The following FGF3 variants were observed in gnomAD, a reference collection of about 807,000 sequenced individuals.
FGF3 encodes the protein FGF-3.
In FGF3, 7 loss-of-function variants were observed where a neutral mutation model predicts 9.8. That is an observed-to-expected ratio of 0.72 (90% CI 0.41 to 1.35). The LOEUF is 1.35. FGF3 is among the 40% of genes most tolerant of loss of function. FGF3 has a pLI of 0.01. For missense variants in FGF3, 390 were observed against 345.6 expected, an observed-to-expected ratio of 1.13 and a Z score of -1.02; for synonymous variants, 173 against 157.2, an observed-to-expected ratio of 1.10 and a Z score of -0.75.
chr11:69,810,391 G>A lies in FGF3; in HGVS notation c.634C>T (p.Arg212Trp), dbSNP rs1554980306. The part of the protein sequence containing the change: ...PGKGVQPRRR[R>W]QKQSPDNLEP... ...AGGTTATCCGGGCTCTGCTTCTGCC[G>A]CCGCCGTCGGGGCTGGACCCCCTTA... is the stretch of plus-strand genomic sequence containing the variant. The change falls in exon 3 of 3, where the codon CGG becomes TGG. Residue 212 changes from arginine (R) to tryptophan (W), a missense_variant. Transcript: ENST00000334134. 2.6e-6 allele frequency: 4 copies of A among 1,557,064 alleles called. No individual in the cohort carries two copies. The South Asian group carries it at 3.5e-5, about 14-fold the overall frequency.
intron 2 of FGF3, among the ~76,000 whole-genome samples, chr11:69,812,767 C>T (rs782188081): frequency 8.5e-5 from 13 of 152,284 alleles, no homozygotes; most frequent in Non-Finnish European, 1.9e-4. Context: ...GATCCTGCAG[C>T]AGGTGAGTCC....
Position 69,813,768 on chromosome 11 carries a change from GTGGATGGA to G in FGF3, c.324+2544_324+2551del, listed in dbSNP as rs138438115. Among the ~76,000 whole-genome samples, 14 of 68,116 alleles carry G rather than the reference GTGGATGGA, an allele frequency of 2.1e-4. No homozygotes were observed. The South Asian group carries it at 4.9e-3, about 24-fold the overall frequency. The allele number at this position is 68,116 out of a possible 152,430, so 44.7% of individuals were successfully genotyped here. ...GCTGGATGGATGGATGGGTGGATGG[GTGGATGGA>G]TGGATGGATGGATGGATGGATGGAT... On this transcript the variant is annotated intron_variant, in intron 2 of 2. Coordinates refer to ENST00000334134, the MANE Select transcript of FGF3 (RefSeq NM_005247.4).
intron 2 of FGF3, 21 bp from the exon 3 acceptor site, chr11:69,810,721 G>C: frequency 6.4e-7 from 1 of 1,557,862 alleles, no homozygotes; most frequent in Non-Finnish European, 8.7e-7. Flanking sequence ...GAGATATCAT[G>C]GTCAGTGCCC....
chr11:69,814,947 C>T (rs1554980926), intron 2 of FGF3, among the ~76,000 whole-genome samples: 2 of 152,204 alleles, frequency 1.3e-5, no homozygotes, highest in African/African-American at 2.4e-5. Flanking sequence ...CCATGAGGGC[C>T]CCTGCTCCCA....
chr11:69,817,260 C>T (rs533068076), intron 1 of FGF3, among the ~76,000 whole-genome samples: 1 of 152,212 alleles, frequency 6.6e-6, no homozygotes, highest in Non-Finnish European at 1.5e-5. Flanking sequence ...GCATGCCTCT[C>T]AGGAGCGCCC....
At position 69,810,366 on chromosome 11, in the gene FGF3, A is replaced by T; in HGVS notation, c.659T>A (p.Leu220Gln). ...CGAAGCCTGAACGTGAGAGGGCTCC[A>T]GGTTATCCGGGCTCTGCTTCTGCCG... ...RRRQKQSPDN[L>Q]EPSHVQASRL... Residue 220 changes from leucine (L) to glutamine (Q), a missense_variant, in exon 3 of 3, where the codon CTG (leucine) becomes CAG (glutamine). By Grantham distance (113) the Leu-to-Gln change is moderately radical (BLOSUM62 -2). Transcript: ENST00000334134. 1 of 1,566,006 alleles carries T rather than the reference A, an allele frequency of 6.4e-7. No homozygotes were observed. Among genetic ancestry groups the T allele is most frequent in the East Asian group, 2.3e-5 (1 of 43,210 alleles).
chr11:69,818,589 C>A, intron 1 of FGF3, 125 bp downstream of exon 1: 1 of 635,560 alleles, frequency 1.6e-6, no homozygotes, highest in Non-Finnish European at 2.4e-6. Context: ...GCGCACCATG[C>A]CTTCTCCCGG....
rs1004218838 is a variant in FGF3, at chr11:69,815,961, A to G, written c.324+359T>C. Among the ~76,000 whole-genome samples, 7 of 152,150 alleles carry G rather than the reference A, an allele frequency of 4.6e-5. No individual in the cohort carries two copies. The South Asian group carries it at 1.4e-3, about 32-fold the overall frequency. The stretch of plus-strand genomic sequence containing the variant: ...TCTGGCTGCCCCAAGGAACACTCCC[A>G]GGTTGTCTTGGGTCCATTTATTTTG... On this transcript the variant is annotated intron_variant, in intron 2 of 2. Transcript: ENST00000334134.
rs1421649420 is a variant in FGF3, at chr11:69,818,934, C to G, written c.-1G>C. The G allele has an allele frequency of 1.4e-6, 2 of 1,464,156 alleles. No individual in the cohort carries two copies. Among genetic ancestry groups the G allele is most frequent in the African/African-American group, 1.5e-5 (1 of 67,800 alleles). The allele number at this position is 1,464,156 out of a possible 1,614,324, so 90.7% of individuals were successfully genotyped here. A position where few individuals can be genotyped will look rare whatever the true frequency, so the allele number is the denominator to read the frequency against. On this transcript the variant is annotated 5_prime_UTR_variant, in exon 1 of 3. Transcript: ENST00000334134. ...GCAGTAGCAGCCAGATTAGGCCCAT[C>G]GTGGCATCGCGCCCGCCCCGCGGCG... is the stretch of plus-strand genomic sequence containing the variant.
chr11:69,810,221 A>T lies in FGF3; in HGVS notation c.*84T>A, dbSNP rs1327197277. 1.5e-6 allele frequency: 2 copies of T among 1,312,104 alleles called. No homozygotes were observed. 81.3% of individuals were successfully genotyped at this position (1,312,104 alleles called of 1,614,324 possible). A position where few individuals can be genotyped will look rare whatever the true frequency, so the allele number is the denominator to read the frequency against. On this transcript the variant is annotated 3_prime_UTR_variant, in exon 3 of 3. Transcript: ENST00000334134. Reference sequence around the variant, plus strand: ...GAACCCAGACGCGGGACGCAGGGGCAAGGGCTCAAGGAGGAGAGTCAGAGT... The same window carrying T: ...GAACCCAGACGCGGGACGCAGGGGCTAGGGCTCAAGGAGGAGAGTCAGAGT...
In FGF3 at chr11:69,819,085, A is replaced by C; in HGVS notation, c.-152T>G. Reference sequence around the variant, plus strand: ...GCTTCGCGGGAAAGGTGGGGGAAGAAGGGGGAAGGGTGGGCGAGAGAGAGA... The same window carrying C: ...GCTTCGCGGGAAAGGTGGGGGAAGACGGGGGAAGGGTGGGCGAGAGAGAGA... On this transcript the variant is annotated 5_prime_UTR_variant, in exon 1 of 3. Coordinates refer to ENST00000334134, the MANE Select transcript of FGF3 (RefSeq NM_005247.4). 20 of 337,302 alleles carry C rather than the reference A, an allele frequency of 5.9e-5. No individual in the cohort carries two copies. The highest frequency in any genetic ancestry group is 5.9e-5 in the East Asian group (1 of 16,950). The allele number at this position is 337,302 out of a possible 1,614,324, so 20.9% of individuals were successfully genotyped here. A position where few individuals can be genotyped will look rare whatever the true frequency, so the allele number is the denominator to read the frequency against.
chr11:69,813,690 G>A lies in FGF3; in HGVS notation c.324+2630C>T, dbSNP rs1554980727. Among the ~76,000 whole-genome samples, 99 of 136,634 alleles carry A rather than the reference G, an allele frequency of 7.2e-4. 1 individual carries two copies. The highest frequency in any genetic ancestry group is 2.6e-3 in the African/African-American group (96 of 36,376). 89.6% of individuals were successfully genotyped at this position (136,634 alleles called of 152,430 possible). ...TGGATGGCTGGATGGATGGATGGGTGGATGGATGGATAGGTGGATGGATGG... is the reference window on the plus strand; with the variant it reads ...TGGATGGCTGGATGGATGGATGGGTAGATGGATGGATAGGTGGATGGATGG... On this transcript the variant is annotated intron_variant, in intron 2 of 2. Transcript: ENST00000334134.
chr11:69,818,630 G>T (rs1554981360), intron 1 of FGF3, 84 bp downstream of exon 1: 5 of 1,066,980 alleles, frequency 4.7e-6, no homozygotes. Flanking sequence ...CGCCTCCCCC[G>T]CGGGGCCCCG....
At chr11:69,814,707 G>T (rs1856098741) in intron 2 of FGF3, among the ~76,000 whole-genome samples, 1 of 152,126 alleles carries the variant, frequency 6.6e-6, no homozygotes, top group Non-Finnish European at 1.5e-5. Context: ...TGTCTGCAGG[G>T]CAATGGGAAC....
chr11:69,810,296 C>G lies in FGF3; in HGVS notation c.*9G>C, dbSNP rs782045539. The stretch of plus-strand genomic sequence containing the variant: ...CGCCAGGAGCTCTGGCGGTGGCCAC[C>G]AGGCCCAGCTAGTGCGCACTGGCCT... On this transcript the variant is annotated 3_prime_UTR_variant, in exon 3 of 3. Transcript: ENST00000334134. 2.6e-6 allele frequency: 4 copies of G among 1,552,096 alleles called. No homozygotes were observed. In the Admixed American group the frequency reaches 5.6e-5, roughly 22 times the overall value.
At chr11:69,813,196 G>C (rs1440106199) in intron 2 of FGF3, among the ~76,000 whole-genome samples, 1 of 152,206 alleles carries the variant, frequency 6.6e-6, no homozygotes, top group Non-Finnish European at 1.5e-5. Context: ...CTGTAAGGGC[G>C]GGGCGGGCAC....
At chr11:69,815,424 C>T (rs1409435838) in intron 2 of FGF3, among the ~76,000 whole-genome samples, 2 of 152,102 alleles carry the variant, frequency 1.3e-5, no homozygotes, top group African/African-American at 2.4e-5. Context: ...GGGCGCATCC[C>T]GGCTTTCTGG....
chr11:69,817,722 G>A (rs1313391710), intron 1 of FGF3, among the ~76,000 whole-genome samples: 3 of 152,180 alleles, frequency 2.0e-5, no homozygotes, highest in Admixed American at 1.3e-4. Flanking sequence ...CGCTTCCTGC[G>A]CCCGGGGCCG....
chr11:69,813,616 G>GTGGA (rs1856063922), intron 2 of FGF3, among the ~76,000 whole-genome samples: 2 of 48,062 alleles, frequency 4.2e-5, no homozygotes, highest in East Asian at 7.8e-4. Flanking sequence ...GGATGGATGG[G>GTGGA]TGGATGGATG....
Sources: gnomAD v4.1 joint callset for allele counts (sites outside exome capture counted in the v4.1 genomes callset) on GRCh38, gnomAD v4.1.1 for gene constraint, MANE v1.5 for transcripts, NCBI Gene and HGNC (gene_info 2026-07-23, HGNC 2026-07-21) for gene names.